The following TPGS2 variants were observed in gnomAD, a reference collection of about 807,000 sequenced individuals.
TPGS2 encodes polyglutamylase subunit 2.
TPGS2 carries 26 observed loss-of-function variants against 31.1 expected under a neutral mutation model. That is an observed-to-expected ratio of 0.84 (90% CI 0.61 to 1.16). The LOEUF is 1.16. Ranked by LOEUF, TPGS2 falls within the 50% of genes most tolerant of loss-of-function variation. The pLI, the probability that TPGS2 is intolerant of heterozygous loss-of-function variation, is 0.00. For missense variants in TPGS2, 351 were observed against 363.8 expected (o/e 0.96, Z 0.29); for synonymous variants, 130 against 136.6 (o/e 0.95, Z 0.34).
chr18:36,828,665 C>T lies in TPGS2; in HGVS notation c.85+18G>A. On this transcript the variant is annotated intron_variant, in intron 1 of 6. Transcript: ENST00000334295. Reference sequence around the variant, plus strand: ...CTTCTCCTCCACACCCTCTCGGCACCGTGCCCCCTTTCCTCACCTAGGATG... The same window carrying T: ...CTTCTCCTCCACACCCTCTCGGCACTGTGCCCCCTTTCCTCACCTAGGATG... 1 of 1,613,796 alleles carries T rather than the reference C, an allele frequency of 6.2e-7. No individual in the cohort carries two copies. Among genetic ancestry groups the T allele is most frequent in the Non-Finnish European group, 8.5e-7 (1 of 1,179,768 alleles).
At chr18:36,823,897 T>C (rs528163002) in intron 1 of TPGS2, 16 of 979,868 alleles carry the variant, frequency 1.6e-5, no homozygotes, top group Non-Finnish European at 1.7e-5. Context: ...GGAATTCTAA[T>C]AGTACCGTGT....
At chr18:36,787,192 G>A in intron 6 of TPGS2, 1 of 1,135,244 alleles carries the variant, frequency 8.8e-7, no homozygotes, top group Non-Finnish European at 1.1e-6. Flanking sequence ...AAGGTAATAG[G>A]GGGCCTTGTG....
chr18:36,795,892 A>C lies in TPGS2; in HGVS notation c.*913T>G. On this transcript the variant is annotated 3_prime_UTR_variant, in exon 7 of 7. Coordinates refer to ENST00000334295, the MANE Select transcript of TPGS2 (RefSeq NM_015476.4). ...TCTGTTAACAGTGTCTGGCACCATTAAAACTCTTTCTTTATGAAGAGTTGT... is the reference window on the plus strand; with the variant it reads ...TCTGTTAACAGTGTCTGGCACCATTCAAACTCTTTCTTTATGAAGAGTTGT... 1 of 985,470 alleles carries C rather than the reference A, an allele frequency of 1.0e-6. No individual in the cohort carries two copies. Among genetic ancestry groups the C allele is most frequent in the Non-Finnish European group, 1.2e-6 (1 of 829,942 alleles). The allele number at this position is 985,470 out of a possible 1,614,324, so 61.0% of individuals were successfully genotyped here.
At chr18:36,802,382 A>C (rs2044864185) in intron 4 of TPGS2, among the ~76,000 whole-genome samples, 1 of 152,162 alleles carries the variant, frequency 6.6e-6, no homozygotes. Flanking sequence ...CCAGTCCTTT[A>C]AGACACGTTT....
At chr18:36,803,420 T>C (rs2044938555) in intron 4 of TPGS2, among the ~76,000 whole-genome samples, 1 of 152,300 alleles carries the variant, frequency 6.6e-6, no homozygotes, top group Admixed American at 6.5e-5. Flanking sequence ...TAATTTGTTA[T>C]TTTTGCCTAG....
intron 3 of TPGS2, among the ~76,000 whole-genome samples, chr18:36,807,049 T>C (rs960994296): frequency 2.0e-5 from 3 of 151,394 alleles, no homozygotes; most frequent in Admixed American, 6.6e-5. Context: ...TGGGGAAATG[T>C]AGGGTACTTC....
chr18:36,814,060 G>A (rs1600813546), intron 2 of TPGS2, among the ~76,000 whole-genome samples: 1 of 152,232 alleles, frequency 6.6e-6, no homozygotes, highest in Non-Finnish European at 1.5e-5. Context: ...CAAATCATTT[G>A]GTTTCTGTGG....
rs2044541352 is a variant in TPGS2 at position 36,796,703 on chromosome 18, A to G, written c.*102T>C. ...TACAATTTTGGTCATTCAACTAGAA[A>G]GAGGCCTACGGTCCACACGCAAAAC... On this transcript the variant is annotated 3_prime_UTR_variant, in exon 7 of 7. Coordinates refer to ENST00000334295, the MANE Select transcript of TPGS2 (RefSeq NM_015476.4). The G allele has an allele frequency of 1.4e-6, 2 of 1,479,214 alleles. No homozygotes were observed. The highest frequency in any genetic ancestry group is 1.5e-5 in the South Asian group (1 of 65,416). The allele number at this position is 1,479,214 out of a possible 1,614,324, so 91.6% of individuals were successfully genotyped here.
At chr18:36,823,988 T>C in intron 1 of TPGS2, 1 of 498,630 alleles carries the variant, frequency 2.0e-6, no homozygotes, top group Non-Finnish European at 2.6e-6. Context: ...ATATTCAGAG[T>C]TATGCATCCT....
intron 3 of TPGS2, among the ~76,000 whole-genome samples, chr18:36,806,850 TAAAAAAAAAAAA>T (rs397962723): frequency 0.14 from 5,253 of 37,456 alleles, 225 homozygotes; most frequent in Middle Eastern, 0.28. Context: ...GACTCCATCT[TAAAAAAAAAAAA>T]AAAAAAAAAA....
intron 2 of TPGS2, chr18:36,817,474 T>G (rs1325569039): frequency 6.6e-6 from 1 of 152,022 alleles, no homozygotes; most frequent in African/African-American, 2.4e-5. Flanking sequence ...CTTGCCCTGT[T>G]GCTCAGGCTA....
downstream of TPGS2, among the ~76,000 whole-genome samples, chr18:36,781,578 G>C (rs961342251): frequency 2.6e-5 from 4 of 152,098 alleles, no homozygotes; most frequent in African/African-American, 9.7e-5. Flanking sequence ...TTTAAATCAG[G>C]GAGTCGGAGG....
Position 36,795,220 on chromosome 18 carries a change from A to C in TPGS2, c.*1585T>G. On this transcript the variant is annotated 3_prime_UTR_variant, in exon 7 of 7. Transcript: ENST00000334295. Reference sequence around the variant, plus strand: ...TAAACATGTTTCAGAGCAAAAGTGCATGTGGAGAATCCTGTGGACTGCTCT... The same window carrying C: ...TAAACATGTTTCAGAGCAAAAGTGCCTGTGGAGAATCCTGTGGACTGCTCT... 1 of 985,470 alleles carries C rather than the reference A, an allele frequency of 1.0e-6. No individual in the cohort carries two copies. 61.0% of individuals were successfully genotyped at this position (985,470 alleles called of 1,614,324 possible).
In TPGS2 at chr18:36,796,288, T is replaced by A; in HGVS notation, c.*517A>T. 2 of 984,240 alleles carry A rather than the reference T, an allele frequency of 2.0e-6. No individual in the cohort carries two copies. Among genetic ancestry groups the A allele is most frequent in the Non-Finnish European group, 2.4e-6 (2 of 828,808 alleles). The allele number at this position is 984,240 out of a possible 1,614,324, so 61.0% of individuals were successfully genotyped here. The stretch of plus-strand genomic sequence containing the variant: ...CAGTGCTGTCCAACAGAACTTTCTG[T>A]GGTGATGGAAATGTTCCATATCTTT... On this transcript the variant is annotated 3_prime_UTR_variant, in exon 7 of 7. Coordinates refer to ENST00000334295, the MANE Select transcript of TPGS2 (RefSeq NM_015476.4).
chr18:36,780,712 TG>T (rs1478115701), downstream of TPGS2, among the ~76,000 whole-genome samples: 3 of 152,324 alleles, frequency 2.0e-5, no homozygotes, highest in East Asian at 5.8e-4. Flanking sequence ...TGTAGGCAGT[TG>T]TAACAGCGGT....
In TPGS2 at chr18:36,794,727, C is replaced by G. The variant is rs928978265; in HGVS notation, c.*2078G>C. ...TCTCTCTATATCCTTTTCTGCCACT[C>G]CATGAATTGTTGCACATTTATAAAT... On this transcript the variant is annotated 3_prime_UTR_variant, in exon 7 of 7. Transcript: ENST00000334295. 1.5e-5 allele frequency: 15 copies of G among 985,154 alleles called. No individual in the cohort carries two copies. In the African/African-American group the frequency reaches 1.7e-4, roughly 11 times the overall value. 61.0% of individuals were successfully genotyped at this position (985,154 alleles called of 1,614,324 possible).
At chr18:36,828,003 T>C (rs1052668212) in intron 1 of TPGS2, among the ~76,000 whole-genome samples, 1 of 152,066 alleles carries the variant, frequency 6.6e-6, no homozygotes, top group African/African-American at 2.4e-5. Context: ...GGTCAGGAGT[T>C]CGAGACCAGC....
intron 1 of TPGS2, among the ~76,000 whole-genome samples, chr18:36,824,645 G>A (rs1407598566): frequency 1.3e-5 from 2 of 152,132 alleles, no homozygotes; most frequent in Admixed American, 1.3e-4. Context: ...CTTTATGTGT[G>A]CTCACTGGCC....
chr18:36,793,807 G>A (rs1275050311), downstream of TPGS2, among the ~76,000 whole-genome samples: 7 of 150,708 alleles, frequency 4.6e-5, no homozygotes, highest in Non-Finnish European at 8.8e-5. Context: ...GTATGATCTC[G>A]GCTCACTGCA....
Sources: gnomAD v4.1 joint callset for allele counts (sites outside exome capture counted in the v4.1 genomes callset) on GRCh38, gnomAD v4.1.1 for gene constraint, MANE v1.5 for transcripts, NCBI Gene and HGNC (gene_info 2026-07-23, HGNC 2026-07-21) for gene names.